Variants in GCC2 observed in about 807,000 individuals in gnomAD.
The protein encoded by GCC2 is GRIP and coiled-coil domain-containing protein 2.
GCC2 carries 120 observed loss-of-function variants against 210.6 expected under a neutral mutation model. The ratio of observed to expected loss-of-function variants is 0.57; its 90% CI spans 0.49 to 0.66. GCC2 has a LOEUF of 0.66. GCC2 is among the 30% of genes least tolerant of loss of function. The pLI is 0.00. For synonymous variants in GCC2, 703 were observed against 652.7 expected (o/e 1.08, Z -1.17); for missense variants, 1,868 against 1,871.9 (o/e 1.00, Z 0.04).
At chr2:108,507,416 CAA>C (rs370993594) in intron 22 of GCC2, 142 bp from the exon 23 acceptor site, 2 of 307,828 alleles carry the variant, frequency 6.5e-6, no homozygotes, top group East Asian at 1.2e-4. Context: ...CCCCCCCCCC[CAA>C]AAAAAAGGCA....
chr2:108,504,687 G>A (rs1034285363), intron 22 of GCC2, among the ~76,000 whole-genome samples: 6 of 152,214 alleles, frequency 3.9e-5, no homozygotes, highest in African/African-American at 1.2e-4. Context: ...CCCCAAATAA[G>A]TTAGCCATAT....
At chr2:108,449,514 T>G (rs1001292311) in intron 1 of GCC2, 119 bp from the exon 2 acceptor site, 22 of 1,247,114 alleles carry the variant, frequency 1.8e-5, no homozygotes, top group Middle Eastern at 1.9e-4. Flanking sequence ...ATTCTCTGTC[T>G]CACGAGGCTT....
intron 22 of GCC2, among the ~76,000 whole-genome samples, chr2:108,504,764 C>G (rs930825982): frequency 7.9e-5 from 12 of 152,076 alleles, no homozygotes; most frequent in Admixed American, 7.2e-4. Flanking sequence ...AGTCATTTTT[C>G]TATATCTTCT....
intron 9 of GCC2, among the ~76,000 whole-genome samples, chr2:108,480,010 C>CT (rs1681765348): frequency 9.3e-6 from 1 of 107,424 alleles, no homozygotes; most frequent in Non-Finnish European, 1.9e-5. Context: ...AAAAAAAAAA[C>CT]GAAAAACCCC....
intron 9 of GCC2, among the ~76,000 whole-genome samples, chr2:108,481,420 TTTTG>T (rs1206407958): frequency 1.8e-4 from 27 of 152,352 alleles, no homozygotes; most frequent in African/African-American, 6.3e-4. Flanking sequence ...AGAAGTTCAT[TTTTG>T]TTAATGAGTA....
At chr2:108,468,440 G>A (rs545270952) in intron 4 of GCC2, among the ~76,000 whole-genome samples, 14 of 152,208 alleles carry the variant, frequency 9.2e-5, no homozygotes, top group African/African-American at 2.6e-4. Context: ...ATTAAAAGGT[G>A]TCTATTTTGA....
chr2:108,501,384 A>AT (rs1682920512), intron 22 of GCC2, among the ~76,000 whole-genome samples: 1 of 152,056 alleles, frequency 6.6e-6, no homozygotes, highest in Admixed American at 6.5e-5. Context: ...GCAGTCCTGT[A>AT]TTTGGGTTTT....
intron 21 of GCC2, among the ~76,000 whole-genome samples, chr2:108,497,799 G>T (rs879090485): frequency 6.6e-6 from 1 of 152,140 alleles, no homozygotes; most frequent in Non-Finnish European, 1.5e-5. Flanking sequence ...TGCTTATTGA[G>T]GAGTTCTTAT....
At chr2:108,472,294 T>G (rs1015209764) in intron 6 of GCC2, among the ~76,000 whole-genome samples, 178 bp downstream of exon 6, 2 of 152,122 alleles carry the variant, frequency 1.3e-5, no homozygotes, top group Non-Finnish European at 2.9e-5. Flanking sequence ...TTTATTACAT[T>G]TATTTTTGGG....
At position 108,494,816 on chromosome 2, in the gene GCC2, T is replaced by C. The variant is rs116426425; in HGVS notation, c.4448-475T>C. 1,519 of 152,870 alleles carry C rather than the reference T, an allele frequency of 9.9e-3. 12 individuals carry two copies. Among genetic ancestry groups the C allele is most frequent in the Middle Eastern group, 0.024 (7 of 294 alleles). The allele number at this position is 152,870 out of a possible 1,614,324, so 9.5% of individuals were successfully genotyped here. ...AAAGTTTGATTACTAAGTTTTTGTTTGTTTGTTTTGTTTTTGAGCTGGAGT... is the reference window on the plus strand; with the variant it reads ...AAAGTTTGATTACTAAGTTTTTGTTCGTTTGTTTTGTTTTTGAGCTGGAGT... On this transcript the variant is annotated intron_variant, in intron 19 of 22. Transcript: ENST00000309863.
intron 7 of GCC2, among the ~76,000 whole-genome samples, chr2:108,474,620 A>G (rs1373438841): frequency 6.6e-6 from 1 of 152,098 alleles, no homozygotes; most frequent in African/African-American, 2.4e-5. Context: ...GGGTGGTTTA[A>G]TTTTTTTATT....
chr2:108,452,308 A>G (rs1679986813), intron 3 of GCC2, 91 bp from the exon 4 acceptor site: 36 of 763,374 alleles, frequency 4.7e-5, no homozygotes, highest in South Asian at 2.5e-4. Flanking sequence ...TTGCAGATTT[A>G]TGGGGGGTTT....
intron 4 of GCC2, among the ~76,000 whole-genome samples, chr2:108,454,538 T>C (rs1680143783): frequency 6.6e-6 from 1 of 152,246 alleles, no homozygotes; most frequent in Admixed American, 6.5e-5. Flanking sequence ...GTATATTTAG[T>C]CATTATATGT....
rs1681074638 is a variant in GCC2, at chr2:108,469,556, T to G, written c.322-95T>G. 5.0e-6 allele frequency: 4 copies of G among 792,114 alleles called. No homozygotes were observed. The South Asian group carries it at 7.6e-5, about 15-fold the overall frequency. The allele number at this position is 792,114 out of a possible 1,614,324, so 49.1% of individuals were successfully genotyped here. A position where few individuals can be genotyped will look rare whatever the true frequency, so the allele number is the denominator to read the frequency against. On this transcript the variant is annotated intron_variant, in intron 5 of 22. Coordinates refer to ENST00000309863, the MANE Select transcript of GCC2 (RefSeq NM_181453.4). ...AAATACATTTCTGCTCATTTACTTT[T>G]CTCTCTACTTAGCTTGTGGCTAATA...
At chr2:108,474,440 C>T (rs879365239) in intron 7 of GCC2, among the ~76,000 whole-genome samples, 5 of 152,136 alleles carry the variant, frequency 3.3e-5, no homozygotes, top group African/African-American at 9.7e-5. Flanking sequence ...CTGACCACTG[C>T]GTTAAGCAAC....
chr2:108,485,736 A>G lies in GCC2; in HGVS notation c.3714A>G (p.Ala1238=), dbSNP rs762300159. Residue 1238 remains alanine (A), a splice_region_variant and synonymous_variant, in exon 14 of 23, where the codon GCA becomes GCG. Coordinates refer to ENST00000309863, the MANE Select transcript of GCC2 (RefSeq NM_181453.4). ...AGGAACTGGCAGATTCAAAGCAAGCAGTATGTTAATTTTTCAGTTTCATAT... is the reference window on the plus strand; with the variant it reads ...AGGAACTGGCAGATTCAAAGCAAGCGGTATGTTAATTTTTCAGTTTCATAT... ...TKKELADSKQ[A]ETDHLILQAS... 13 of 1,565,080 alleles carry G rather than the reference A, an allele frequency of 8.3e-6. No individual in the cohort carries two copies. Among genetic ancestry groups the G allele is most frequent in the African/African-American group, 2.8e-5 (2 of 72,658 alleles).
chr2:108,487,649 G>A, intron 16 of GCC2, 50 bp from the exon 17 acceptor site: 1 of 1,494,576 alleles, frequency 6.7e-7, no homozygotes, highest in Non-Finnish European at 9.0e-7. Flanking sequence ...AAAGAAAATA[G>A]AAGGACCCTG....
intron 22 of GCC2, among the ~76,000 whole-genome samples, chr2:108,502,818 G>T (rs921363592): frequency 9.9e-5 from 15 of 152,050 alleles, no homozygotes; most frequent in African/African-American, 3.1e-4. Flanking sequence ...AGCTACTTGG[G>T]AGGCTGAGGT....
intron 4 of GCC2, among the ~76,000 whole-genome samples, chr2:108,457,545 G>C (rs2683801): frequency 0.22 from 34,028 of 151,874 alleles, 4,211 homozygotes; most frequent in African/African-American, 0.32. Context: ...TATTTTAATA[G>C]GGATTTCATT....
Sources: gnomAD v4.1 joint callset for allele counts (sites outside exome capture counted in the v4.1 genomes callset) on GRCh38, gnomAD v4.1.1 for gene constraint, MANE v1.5 for transcripts, NCBI Gene and HGNC (gene_info 2026-07-23, HGNC 2026-07-21) for gene names.